Variants in GNG4 observed in about 807,000 individuals in gnomAD.
The protein encoded by GNG4 is guanine nucleotide-binding protein G(I)/G(S)/G(O) subunit gamma-4.
A neutral mutation model predicts 5.8 loss-of-function variants in GNG4; 4 were observed. That is an observed-to-expected ratio of 0.69 (90% CI 0.34 to 1.57). The LOEUF (loss-of-function observed/expected upper bound fraction) is 1.57. Among genes scored for constraint, GNG4 ranks in the 40% most tolerant of loss-of-function variants. The pLI is 0.06. For synonymous variants in GNG4, 29 were observed against 32.9 expected (o/e 0.88, Z 0.41); for missense variants, 96 against 95.1 (o/e 1.01, Z -0.04).
chr1:235,575,598 C>T (rs1055333913), intron 3 of GNG4, among the ~76,000 whole-genome samples: 12 of 152,228 alleles, frequency 7.9e-5, no homozygotes, highest in Non-Finnish European at 1.6e-4. Context: ...ACCCACCCCA[C>T]GGATGTTGAA....
intron 1 of GNG4, among the ~76,000 whole-genome samples, chr1:235,609,532 T>C (rs1172446396): frequency 6.6e-6 from 1 of 152,200 alleles, no homozygotes; most frequent in Non-Finnish European, 1.5e-5. Flanking sequence ...GTTGGCATCA[T>C]TTACTTTAAA....
chr1:235,610,531 G>T (rs756618685), intron 1 of GNG4, among the ~76,000 whole-genome samples: 6 of 152,152 alleles, frequency 3.9e-5, no homozygotes, highest in Admixed American at 2.0e-4. Flanking sequence ...AGGGTTTTCT[G>T]TTTTATTCAG....
intron 3 of GNG4, among the ~76,000 whole-genome samples, chr1:235,569,237 T>TGG (rs1687275566): frequency 6.6e-6 from 1 of 152,036 alleles, no homozygotes; most frequent in Admixed American, 6.6e-5. Context: ...AGGCTGGGTG[T>TGG]GGGGGCTCAC....
At chr1:235,593,139 G>A (rs771784547) in intron 2 of GNG4, among the ~76,000 whole-genome samples, 2 of 152,052 alleles carry the variant, frequency 1.3e-5, no homozygotes, top group Admixed American at 6.6e-5. Context: ...AGTAGAGATG[G>A]GGTTTCACCA....
chr1:235,615,707 C>T, intron 1 of GNG4: 1 of 236,778 alleles, frequency 4.2e-6, no homozygotes, highest in Non-Finnish European at 8.8e-6. Flanking sequence ...ATAGACATAG[C>T]CATTATGCCT....
chr1:235,639,662 C>T (rs1010146514), intron 1 of GNG4, among the ~76,000 whole-genome samples: 1 of 152,142 alleles, frequency 6.6e-6, no homozygotes, highest in Non-Finnish European at 1.5e-5. Context: ...TCCTGCCTCA[C>T]AACCAGCTAA....
At chr1:235,620,189 C>T (rs917409402) in intron 1 of GNG4, among the ~76,000 whole-genome samples, 1 of 152,080 alleles carries the variant, frequency 6.6e-6, no homozygotes, top group African/African-American at 2.4e-5. Context: ...CATGGAGAAA[C>T]CCTGTCTCTA....
At chr1:235,580,728 C>T (rs1433310366) in intron 3 of GNG4, among the ~76,000 whole-genome samples, 5 of 140,240 alleles carry the variant, frequency 3.6e-5, no homozygotes, top group Admixed American at 7.4e-5. Flanking sequence ...AGCAACATGG[C>T]GGCCTATCCC....
chr1:235,595,187 G>A (rs990492073), intron 2 of GNG4, among the ~76,000 whole-genome samples: 1 of 152,192 alleles, frequency 6.6e-6, no homozygotes, highest in African/African-American at 2.4e-5. Context: ...GATAACAGGA[G>A]GTGGCAAAAG....
intron 3 of GNG4, among the ~76,000 whole-genome samples, chr1:235,574,467 G>A (rs1201382336): frequency 6.6e-6 from 1 of 152,166 alleles, no homozygotes; most frequent in Non-Finnish European, 1.5e-5. Context: ...AAAAGGATAT[G>A]ACTTTTTCAC....
chr1:235,552,251 G>A lies in GNG4; in HGVS notation c.100-14C>T, dbSNP rs576811088. ...TGCCTGGGAGACCTGTGAGGGCACA[G>A]AGCACAGGTGCTCAGTTAAAGGCCC... On this transcript the variant is annotated splice_polypyrimidine_tract_variant and intron_variant, in intron 3 of 3. Coordinates refer to ENST00000391854, the MANE Select transcript of GNG4 (RefSeq NM_001098722.2). The A allele has an allele frequency of 2.5e-6, 4 of 1,613,218 alleles. No homozygotes were observed. The highest frequency in any genetic ancestry group is 1.7e-5 in the Admixed American group (1 of 59,996).
intron 1 of GNG4, chr1:235,615,738 A>G: frequency 4.0e-6 from 1 of 248,134 alleles, no homozygotes; most frequent in Non-Finnish European, 8.3e-6. Flanking sequence ...TCCTTCCAAG[A>G]AGCACCAGGA....
chr1:235,559,311 GCA>G (rs1300333268), intron 3 of GNG4, among the ~76,000 whole-genome samples: 1 of 152,160 alleles, frequency 6.6e-6, no homozygotes, highest in African/African-American at 2.4e-5. Context: ...GAAATTTGGT[GCA>G]CACTCCACTA....
intron 3 of GNG4, among the ~76,000 whole-genome samples, chr1:235,556,188 A>G (rs935297156): frequency 1.3e-5 from 2 of 151,978 alleles, no homozygotes; most frequent in Admixed American, 6.6e-5. Context: ...AGTACACATG[A>G]TAAGTATTAT....
chr1:235,616,061 G>T (rs1688582730), intron 1 of GNG4: 1 of 382,190 alleles, frequency 2.6e-6, no homozygotes, highest in Admixed American at 3.2e-5. Flanking sequence ...CGTCTTCCAT[G>T]AGGAGTTCCC....
intron 1 of GNG4, among the ~76,000 whole-genome samples, chr1:235,597,814 G>A (rs1688162089): frequency 6.6e-6 from 1 of 151,904 alleles, no homozygotes; most frequent in Non-Finnish European, 1.5e-5. Context: ...TTTTTGTAGA[G>A]ACAGGGTTTC....
rs1657614968 is a variant in GNG4 at position 235,649,738 on chromosome 1, C to G, written c.-199G>C. 1 of 151,270 alleles carries G rather than the reference C, an allele frequency of 6.6e-6. No individual in the cohort carries two copies. Among genetic ancestry groups the G allele is most frequent in the Non-Finnish European group, 1.5e-5 (1 of 67,752 alleles). 9.4% of individuals were successfully genotyped at this position (151,270 alleles called of 1,614,324 possible). A position where few individuals can be genotyped will look rare whatever the true frequency, so the allele number is the denominator to read the frequency against. On this transcript the variant is annotated 5_prime_UTR_variant, in exon 1 of 4. Coordinates refer to ENST00000391854, the MANE Select transcript of GNG4 (RefSeq NM_001098722.2). This position sits in a 1 kb window ranked among gnomAD's most constrained non-coding sequence, Gnocchi z 5.7. ...GCGGCCAGGCCGAGCGGCATCGCTC[C>G]GCATCGGGGCGCGGGCCGGGCTCGG...
chr1:235,573,169 C>T (rs918522001), intron 3 of GNG4, among the ~76,000 whole-genome samples: 6 of 151,972 alleles, frequency 3.9e-5, no homozygotes, highest in Non-Finnish European at 7.4e-5. Context: ...GAGTTCATGT[C>T]CTTTGTAGGG....
intron 2 of GNG4, among the ~76,000 whole-genome samples, chr1:235,593,917 G>C (rs1208680443): frequency 2.0e-5 from 3 of 152,180 alleles, no homozygotes; most frequent in East Asian, 3.9e-4. Flanking sequence ...TGCACAGCGT[G>C]CATGGGGACC....
Sources: allele counts gnomAD v4.1 joint callset (sites outside exome capture counted in the v4.1 genomes callset), GRCh38; gene constraint gnomAD v4.1.1; non-coding constraint Gnocchi (gnomAD v3.1); transcripts MANE v1.5; gene names NCBI Gene and HGNC (gene_info 2026-07-23, HGNC 2026-07-21).